Variants in CEP290 observed in about 807,000 individuals in gnomAD.
CEP290 encodes the protein centrosomal protein of 290 kDa.
In CEP290, 317 loss-of-function variants were observed where a neutral mutation model predicts 344.9. The observed-to-expected ratio is 0.92, with a 90% confidence interval of 0.84 to 1.01. The LOEUF (loss-of-function observed/expected upper bound fraction) is 1.01. CEP290 is among the 50% of genes least tolerant of loss of function. The pLI is 0.00. For synonymous variants in CEP290, 932 were observed against 895.8 expected, an observed-to-expected ratio of 1.04 and a Z score of -0.72; for missense variants, 2,754 against 2,761.4, an observed-to-expected ratio of 1.00 and a Z score of 0.06.
At chr12:88,120,575 T>G (rs1455367711) in intron 14 of CEP290, among the ~76,000 whole-genome samples, 1 of 152,108 alleles carries the variant, frequency 6.6e-6, no homozygotes, top group Non-Finnish European at 1.5e-5. Flanking sequence ...AAATCAGCAA[T>G]ACCAGTAGAA....
At chr12:88,097,610 TACACACACACACACAC>T (rs34989046) in intron 26 of CEP290, among the ~76,000 whole-genome samples, 1 of 144,246 alleles carries the variant, frequency 6.9e-6, no homozygotes, top group Non-Finnish European at 1.5e-5. Flanking sequence ...CACACACACA[TACACACACACACACAC>T]ACACACACAC....
At position 88,118,568 on chromosome 12, in the gene CEP290, A is replaced by G. The variant is rs762272190; in HGVS notation, c.1626T>C (p.Ile542=). The stretch of plus-strand genomic sequence containing the variant: ...CAAGTCGTTCTTCCTCTAGACTTTC[A>G]ATCTGCAAAGTATAAATTATTAGTA... ...RAENQILLKE[I]ESLEEERLDL... The change falls in exon 17 of 54, where the codon ATT becomes ATC. Residue 542 remains isoleucine (I), a splice_region_variant and synonymous_variant. Coordinates refer to ENST00000552810, the MANE Select transcript of CEP290 (RefSeq NM_025114.4). 6.2e-7 allele frequency: 1 copy of G among 1,601,496 alleles called. No homozygotes were observed. The highest frequency in any genetic ancestry group is 1.1e-5 in the South Asian group (1 of 89,700).
intron 8 of CEP290, 56 bp from the exon 9 acceptor site, chr12:88,130,476 A>G (rs2039999314): frequency 1.3e-6 from 2 of 1,596,204 alleles, no homozygotes; most frequent in Admixed American, 3.6e-5. Context: ...TAACAAAATC[A>G]TATCCTCTAA....
At position 88,120,958 on chromosome 12, in the gene CEP290, A is replaced by G. The variant is rs545069421; in HGVS notation, c.1359+39T>C. 70 of 1,561,436 alleles carry G rather than the reference A, an allele frequency of 4.5e-5. 1 individual carries two copies. In the South Asian group the frequency reaches 7.8e-4, roughly 17 times the overall value. On this transcript the variant is annotated intron_variant, in intron 14 of 53. Transcript: ENST00000552810. ...AGAATAGTCTGTGAATGGCAAGAAT[A>G]ATTCTAAGCTCCTTGAATGACAAGA...
Position 88,121,495 on chromosome 12 carries a change from A to G in CEP290, c.1190-329T>C, listed in dbSNP as rs114278953. On this transcript the variant is annotated intron_variant, in intron 13 of 53. Transcript: ENST00000552810. ...TTTGTCCACTGTACTAAAACTATGG[A>G]TTTTTAGCTTGACACGTGGCCATTT... 4.5e-3 allele frequency among the ~76,000 whole-genome samples: 687 copies of G among 151,974 alleles called. 12 individuals are homozygous for G. Among genetic ancestry groups the G allele is most frequent in the African/African-American group, 0.015 (637 of 41,474 alleles).
In CEP290 at chr12:88,050,416, C is replaced by A; in HGVS notation, c.7147G>T (p.Glu2383Ter). The change falls in exon 53 of 54, where the codon GAA (glutamate) becomes TAA (stop). Residue 2383 changes from glutamate (E) to a stop codon, truncating the protein, a stop_gained. Transcript: ENST00000552810. LOFTEE classifies it high-confidence loss of function. ...TGTGTCTCTAGATCTTTTATTTTTT[C>A]CTTTAGTTGATCAGCATCTGTTGAA... Reference protein sequence around the residue: ...STIPDADQLKEKIKDLETQLK... With the variant: ...STIPDADQLK The A allele has an allele frequency of 6.4e-7, 1 of 1,551,176 alleles. No individual in the cohort carries two copies. Among genetic ancestry groups the A allele is most frequent in the Admixed American group, 1.8e-5 (1 of 56,098 alleles).
intron 41 of CEP290, 67 bp from the exon 42 acceptor site, chr12:88,071,993 A>C (rs1391540730): frequency 1.5e-6 from 2 of 1,372,794 alleles, no homozygotes; most frequent in Non-Finnish European, 1.9e-6. Flanking sequence ...ATGATTTATC[A>C]ATTATAATTT....
Position 88,092,810 on chromosome 12 carries a change from G to A in CEP290, c.3332C>T (p.Ala1111Val). Residue 1111 changes from alanine (A) to valine (V), a missense_variant, in exon 29 of 54, where the codon GCA (alanine) becomes GTA (valine). Ala to Val is a moderately conservative substitution (Grantham distance 64, BLOSUM62 0). Coordinates refer to ENST00000552810, the MANE Select transcript of CEP290 (RefSeq NM_025114.4). ...FAELTKINLD[A>V]QKVEQMLRDE... The stretch of plus-strand genomic sequence containing the variant: ...TCTTAACATCTGTTCCACCTTCTGT[G>A]CATCCAAATTGATTTTGGTAAGCTA... 1.2e-6 allele frequency: 2 copies of A among 1,608,150 alleles called. No homozygotes were observed. The highest frequency in any genetic ancestry group is 8.5e-7 in the Non-Finnish European group (1 of 1,177,796).
rs774490795 is a variant in CEP290, at chr12:88,121,008, C to CT, written c.1347dup (p.Asp450ArgfsTer3). On this transcript the variant is annotated frameshift_variant, in exon 14 of 54. Coordinates refer to ENST00000552810, the MANE Select transcript of CEP290 (RefSeq NM_025114.4). LOFTEE classifies it high-confidence loss of function. The stretch of plus-strand genomic sequence containing the variant: ...ATAAAAATACATACCGATTCATAAT[C>CT]TTTTAACCTCTTCAGAGCCTCAACT... 24 of 1,611,174 alleles carry CT rather than the reference C, an allele frequency of 1.5e-5. No homozygotes were observed. The highest frequency in any genetic ancestry group is 2.0e-5 in the Non-Finnish European group (24 of 1,179,276).
rs747138345 is a variant in CEP290, at chr12:88,049,291, C to CCTTCT, written c.7328_7332dup (p.Val2445ArgfsTer3). The stretch of plus-strand genomic sequence containing the variant: ...CCCAATTGTTCTGAAAGTTTTTTTA[C>CCTTCT]CTTCTCTTCTAAGAGAATATTCTTC... On this transcript the variant is annotated frameshift_variant, in exon 54 of 54. Coordinates refer to ENST00000552810, the MANE Select transcript of CEP290 (RefSeq NM_025114.4). LOFTEE classifies it high-confidence loss of function. 12 of 1,605,640 alleles carry CCTTCT rather than the reference C, an allele frequency of 7.5e-6. No individual in the cohort carries two copies. In the East Asian group the frequency reaches 2.7e-4, roughly 36 times the overall value.
intron 17 of CEP290, among the ~76,000 whole-genome samples, 167 bp downstream of exon 17, chr12:88,118,316 G>C (rs2039187209): frequency 6.6e-6 from 1 of 151,938 alleles, no homozygotes; most frequent in Non-Finnish European, 1.5e-5. Context: ...ATTCAGGACT[G>C]AACCCACTGA....
Position 88,106,860 on chromosome 12 carries a change from T to C in CEP290, c.2632A>G (p.Ile878Val). ...LQMDSDEMKK[I>V]LAENSRKITV... Reference sequence around the variant, plus strand: ...ATTTTCCTACTATTTTCTGCAAGTATTTTTTTCATTTCATCCGAATCCATC... The same window carrying C: ...ATTTTCCTACTATTTTCTGCAAGTACTTTTTTCATTTCATCCGAATCCATC... Residue 878 changes from isoleucine (I) to valine (V), a missense_variant, in exon 25 of 54, where the codon ATA (isoleucine) becomes GTA (valine). Ile to Val is a conservative substitution (Grantham distance 29). Coordinates refer to ENST00000552810, the MANE Select transcript of CEP290 (RefSeq NM_025114.4). 1 of 1,606,788 alleles carries C rather than the reference T, an allele frequency of 6.2e-7. No homozygotes were observed. Among genetic ancestry groups the C allele is most frequent in the Non-Finnish European group, 8.5e-7 (1 of 1,176,158 alleles).
chr12:88,058,532 A>C (rs528216017), intron 49 of CEP290: 1 of 302,704 alleles, frequency 3.3e-6, no homozygotes, highest in African/African-American at 2.2e-5. Context: ...ACCCAGGAGA[A>C]GCTGAGCAGC....
intron 26 of CEP290, among the ~76,000 whole-genome samples, chr12:88,099,346 T>G (rs952638282): frequency 3.3e-5 from 5 of 152,248 alleles, no homozygotes; most frequent in African/African-American, 1.2e-4. Context: ...CACGTTAAAT[T>G]TGAGATCCCC....
At chr12:88,052,571 T>A (rs932770397) in intron 52 of CEP290, among the ~76,000 whole-genome samples, 2 of 152,162 alleles carry the variant, frequency 1.3e-5, no homozygotes, top group Admixed American at 6.5e-5. Flanking sequence ...GTCTATAAAG[T>A]TAGCCCAATT....
At chr12:88,091,174 A>G (rs2037010093) in intron 29 of CEP290, among the ~76,000 whole-genome samples, 1 of 152,180 alleles carries the variant, frequency 6.6e-6, no homozygotes, top group Non-Finnish European at 1.5e-5. Flanking sequence ...GTATATAGCC[A>G]AAGAACTTCT....
At chr12:88,121,338 C>A (rs961561906) in intron 13 of CEP290, among the ~76,000 whole-genome samples, 172 bp from the exon 14 acceptor site, 6 of 151,976 alleles carry the variant, frequency 3.9e-5, no homozygotes, top group Non-Finnish European at 7.4e-5. Context: ...ATACAATTTA[C>A]TAAAAAACTG....
At position 88,117,219 on chromosome 12, in the gene CEP290, A is replaced by C. The variant is rs975434754; in HGVS notation, c.1712-74T>G. Reference sequence around the variant, plus strand: ...ACTATTCCAACACTTTAATTCTTAAAACCTACAATCAAGTTTTAATGCAAA... The same window carrying C: ...ACTATTCCAACACTTTAATTCTTAACACCTACAATCAAGTTTTAATGCAAA... On this transcript the variant is annotated intron_variant, in intron 17 of 53. Transcript: ENST00000552810. 2.4e-5 allele frequency: 17 copies of C among 719,736 alleles called. No homozygotes were observed. In the African/African-American group the frequency reaches 2.8e-4, roughly 12 times the overall value. 44.6% of individuals were successfully genotyped at this position (719,736 alleles called of 1,614,324 possible). A position where few individuals can be genotyped will look rare whatever the true frequency, so the allele number is the denominator to read the frequency against.
At chr12:88,087,647 G>C (rs550895261) in intron 32 of CEP290, 133 bp downstream of exon 32, 3 of 315,366 alleles carry the variant, frequency 9.5e-6, no homozygotes, top group Non-Finnish European at 1.7e-5. Flanking sequence ...ATGAACCCGG[G>C]AGGCAGAGCT....
Sources: allele counts gnomAD v4.1 joint callset (sites outside exome capture counted in the v4.1 genomes callset), GRCh38; gene constraint gnomAD v4.1.1; transcripts MANE v1.5; gene names NCBI Gene and HGNC (gene_info 2026-07-23, HGNC 2026-07-21).